PPP3CC: variants seen among roughly 807,000 people sequenced by gnomAD.
PPP3CC encodes serine/threonine-protein phosphatase 2B catalytic subunit gamma isoform.
In PPP3CC, 35 loss-of-function variants were observed where a neutral mutation model predicts 60.3. That is an observed-to-expected ratio of 0.58 (90% CI 0.44 to 0.77). PPP3CC has a LOEUF of 0.77. PPP3CC is among the 30% of genes least tolerant of loss of function. The probability of loss-of-function intolerance (pLI) is 0.00; values close to 1 mark genes in which losing one functional copy is unlikely to be tolerated. For missense variants in PPP3CC, 570 were observed against 628.9 expected, an observed-to-expected ratio of 0.91 and a Z score of 1.00; for synonymous variants, 206 against 224.3, an observed-to-expected ratio of 0.92 and a Z score of 0.73.
chr8:22,512,353 G>A (rs1839110999), intron 5 of PPP3CC, among the ~76,000 whole-genome samples: 2 of 152,122 alleles, frequency 1.3e-5, no homozygotes, highest in Non-Finnish European at 2.9e-5. Flanking sequence ...TCAATAAAAA[G>A]CTCTTTCACG....
At chr8:22,443,561 A>G (rs909206946) in intron 1 of PPP3CC, among the ~76,000 whole-genome samples, 2 of 151,310 alleles carry the variant, frequency 1.3e-5, no homozygotes, top group African/African-American at 2.4e-5. Context: ...GTTTATTGCT[A>G]CGCATGCTTA....
At chr8:22,533,600 G>T (rs1052679926) in intron 12 of PPP3CC, among the ~76,000 whole-genome samples, 1 of 146,358 alleles carries the variant, frequency 6.8e-6, no homozygotes, top group Non-Finnish European at 1.5e-5. Context: ...CGAGGCGGGC[G>T]GATCACCTGA....
chr8:22,446,217 A>C (rs1040551887), intron 1 of PPP3CC, among the ~76,000 whole-genome samples: 19 of 152,198 alleles, frequency 1.2e-4, no homozygotes, highest in Non-Finnish European at 2.6e-4. Flanking sequence ...TAACCACTCA[A>C]CCAAAATAAA....
chr8:22,513,261 T>C (rs756479289), intron 5 of PPP3CC, 32 bp from the exon 6 acceptor site: 4 of 1,596,832 alleles, frequency 2.5e-6, no homozygotes, highest in Non-Finnish European at 3.4e-6. Context: ...GCTCTCCTGA[T>C]TTTTTTCTTT....
chr8:22,531,338 T>G (rs1454633684), intron 10 of PPP3CC: 1 of 1,525,802 alleles, frequency 6.6e-7, no homozygotes, highest in African/African-American at 1.4e-5. Context: ...GGTATCCGAC[T>G]AAACTGTGCT....
At chr8:22,505,590 C>G (rs1462536535) in intron 4 of PPP3CC, among the ~76,000 whole-genome samples, 1 of 152,024 alleles carries the variant, frequency 6.6e-6, no homozygotes, top group Non-Finnish European at 1.5e-5. Context: ...AAAATTTTAC[C>G]TTTACTCTCA....
At chr8:22,493,847 T>C (rs1838481795) in intron 3 of PPP3CC, among the ~76,000 whole-genome samples, 1 of 152,232 alleles carries the variant, frequency 6.6e-6, no homozygotes, top group South Asian at 2.1e-4. Context: ...AGTAAATACA[T>C]AAACCAGTAC....
chr8:22,459,582 T>C (rs949068437), intron 1 of PPP3CC, among the ~76,000 whole-genome samples: 3 of 152,192 alleles, frequency 2.0e-5, no homozygotes, highest in African/African-American at 7.2e-5. Context: ...ATGTTATGCC[T>C]ACATTGTTGG....
intron 1 of PPP3CC, among the ~76,000 whole-genome samples, chr8:22,463,713 A>G (rs552079974): frequency 6.6e-6 from 1 of 152,192 alleles, no homozygotes; most frequent in African/African-American, 2.4e-5. Context: ...CACCATTCCA[A>G]GTTTACTGAA....
intron 8 of PPP3CC, among the ~76,000 whole-genome samples, chr8:22,525,200 C>A (rs1240347517): frequency 6.6e-6 from 1 of 152,048 alleles, no homozygotes; most frequent in African/African-American, 2.4e-5. Context: ...CCTGAGTATT[C>A]TGTCGGCTTT....
chr8:22,528,122 C>T (rs546759247), intron 9 of PPP3CC, among the ~76,000 whole-genome samples: 4 of 152,174 alleles, frequency 2.6e-5, no homozygotes, highest in Non-Finnish European at 5.9e-5. Context: ...ATTGTCCTTA[C>T]AATTTTATTT....
chr8:22,527,380 T>G lies in PPP3CC; in HGVS notation c.944-12T>G. ...CCTCTGTGCCAGATTTTCTTGCTTT[T>G]TTCCTTTTTAGCTGCTGTGTTGAAA... On this transcript the variant is annotated splice_polypyrimidine_tract_variant and intron_variant, in intron 8 of 13. Transcript: ENST00000240139. 1 of 1,613,580 alleles carries G rather than the reference T, an allele frequency of 6.2e-7. No homozygotes were observed. The highest frequency in any genetic ancestry group is 8.5e-7 in the Non-Finnish European group (1 of 1,179,582).
At chr8:22,454,864 C>G (rs1837146123) in intron 1 of PPP3CC, among the ~76,000 whole-genome samples, 1 of 151,664 alleles carries the variant, frequency 6.6e-6, no homozygotes, top group African/African-American at 2.4e-5. Flanking sequence ...TTCAGGAGAT[C>G]GAGACCACGG....
At chr8:22,532,331 C>T (rs1442219433) in intron 11 of PPP3CC, 25 bp downstream of exon 11, 8 of 1,556,440 alleles carry the variant, frequency 5.1e-6, no homozygotes, top group African/African-American at 2.7e-5. Context: ...CATTACAGTG[C>T]GGATTAAAGG....
intron 3 of PPP3CC, chr8:22,493,063 A>T: frequency 6.8e-7 from 1 of 1,476,360 alleles, no homozygotes; most frequent in East Asian, 2.3e-5. Flanking sequence ...AATTTTGATG[A>T]GGCTTCCAAG....
chr8:22,455,946 G>A (rs796807260), intron 1 of PPP3CC, among the ~76,000 whole-genome samples: 76 of 152,298 alleles, frequency 5.0e-4, no homozygotes, highest in African/African-American at 1.8e-3. Context: ...CACTTGTTCT[G>A]GTGAGGAACA....
At chr8:22,449,276 C>T (rs1016768594) in intron 1 of PPP3CC, among the ~76,000 whole-genome samples, 7 of 151,492 alleles carry the variant, frequency 4.6e-5, no homozygotes, top group African/African-American at 1.2e-4. Context: ...GGTGAAACCC[C>T]GTGTCTACAA....
At chr8:22,504,318 A>G (rs989065521) in intron 4 of PPP3CC, among the ~76,000 whole-genome samples, 17 of 152,126 alleles carry the variant, frequency 1.1e-4, no homozygotes, top group African/African-American at 4.1e-4. Flanking sequence ...TTATTTTTTT[A>G]AGAGACAGGG....
At chr8:22,491,093 A>G (rs1418152483) in intron 3 of PPP3CC, among the ~76,000 whole-genome samples, 1 of 152,154 alleles carries the variant, frequency 6.6e-6, no homozygotes, top group Non-Finnish European at 1.5e-5. Flanking sequence ...TGCTTGGTGG[A>G]CACCTAGTTT....
Sources: gnomAD v4.1 joint callset for allele counts (sites outside exome capture counted in the v4.1 genomes callset) on GRCh38, gnomAD v4.1.1 for gene constraint, MANE v1.5 for transcripts, NCBI Gene and HGNC (gene_info 2026-07-23, HGNC 2026-07-21) for gene names.